Variants in CUX1 observed in about 807,000 individuals in gnomAD.
The protein encoded by CUX1 is protein CASP.
CUX1 carries 31 observed loss-of-function variants against 158.8 expected under a neutral mutation model. The observed-to-expected ratio is 0.20, with a 90% CI of 0.15 to 0.26. The LOEUF (loss-of-function observed/expected upper bound fraction) is 0.26, where lower values mean the gene tolerates loss of function less well. CUX1 is among the 10% of genes least tolerant of loss of function. The pLI, the probability that CUX1 is intolerant of heterozygous loss-of-function variation, is 1.00. For missense variants in CUX1, 1,589 were observed against 2,014.6 expected, an observed-to-expected ratio of 0.79 and a Z score of 4.04; for synonymous variants, 879 against 862.1, an observed-to-expected ratio of 1.02 and a Z score of -0.34.
At chr7:102,000,419 T>G (rs1188112657) in intron 2 of CUX1, among the ~76,000 whole-genome samples, 1 of 152,210 alleles carries the variant, frequency 6.6e-6, no homozygotes, top group African/African-American at 2.4e-5. Flanking sequence ...GACCCAGGCT[T>G]CTTTCTCATC....
chr7:102,044,992 A>G (rs1822566536), intron 3 of CUX1, among the ~76,000 whole-genome samples: 1 of 152,034 alleles, frequency 6.6e-6, no homozygotes. Context: ...GGCCTTCTGC[A>G]GTGGTGGAGG....
At chr7:101,925,795 T>C (rs531631019) in intron 2 of CUX1, among the ~76,000 whole-genome samples, 47 of 151,626 alleles carry the variant, frequency 3.1e-4, no homozygotes, top group African/African-American at 1.1e-3. Context: ...TAGCTGGGAG[T>C]GGTGGTGCGT....
chr7:102,075,488 G>GC (rs1249465475), intron 4 of CUX1, among the ~76,000 whole-genome samples: 1 of 152,204 alleles, frequency 6.6e-6, no homozygotes, highest in Non-Finnish European at 1.5e-5. Context: ...CGAGAGACTG[G>GC]TTCAGTGCGG....
At position 102,168,903 on chromosome 7, in the gene CUX1, CTTTTCTTTTA is replaced by C. The variant is rs1443857285; in HGVS notation, c.724-1533_724-1524del. On this transcript the variant is annotated intron_variant, in intron 9 of 23. Coordinates refer to ENST00000292535, the MANE Select transcript of CUX1 (RefSeq NM_181552.4). ...CCAGGCTTTTCTTTTCTTTTCTTTT[CTTTTCTTTTA>C]TTTTCTTTTCTTTTCTTTTATTTTC... Among the ~76,000 whole-genome samples the C allele has an allele frequency of 2.7e-4, 33 of 121,384 alleles. 1 individual carries two copies. The South Asian group carries it at 6.7e-3, about 25-fold the overall frequency. The allele number at this position is 121,384 out of a possible 152,430, so 79.6% of individuals were successfully genotyped here. A position where few individuals can be genotyped will look rare whatever the true frequency, so the allele number is the denominator to read the frequency against.
intron 23 of CUX1, among the ~76,000 whole-genome samples, chr7:102,241,762 C>T (rs1800239806): frequency 6.6e-6 from 1 of 152,256 alleles, no homozygotes; most frequent in African/African-American, 2.4e-5. Context: ...AATGGCAGCC[C>T]TGGCCCCGCA....
chr7:102,170,497 T>C lies in CUX1; in HGVS notation c.775T>C (p.Ser259Pro). 3 of 1,593,994 alleles carry C rather than the reference T, an allele frequency of 1.9e-6. No individual in the cohort carries two copies. Among genetic ancestry groups the C allele is most frequent in the Non-Finnish European group, 2.6e-6 (3 of 1,169,930 alleles). ...GGAGACCTTAAGGGAACAGCTCTCA[T>C]CGGCCAATCACTCCCTCCAGCTGGC... ...EAETLREQLS[S>P]ANHSLQLASQ... The change falls in exon 10 of 24, where the codon TCG becomes CCG. Residue 259 changes from serine (S) to proline (P), a missense_variant. Ser to Pro is a moderately conservative substitution (Grantham distance 74). Coordinates refer to ENST00000292535, the MANE Select transcript of CUX1 (RefSeq NM_181552.4).
chr7:102,212,697 A>T (rs1294468792), intron 20 of CUX1, among the ~76,000 whole-genome samples: 2 of 118,432 alleles, frequency 1.7e-5, no homozygotes, highest in East Asian at 2.5e-4. Context: ...CCAGTTTGTC[A>T]TGTGTCCTTC....
chr7:102,066,307 C>G (rs945801941), intron 3 of CUX1, among the ~76,000 whole-genome samples: 2 of 152,146 alleles, frequency 1.3e-5, no homozygotes, highest in African/African-American at 4.8e-5. Flanking sequence ...TTGGATCCAA[C>G]TGGACGAGGG....
At chr7:102,142,413 A>G (rs890340226) in intron 8 of CUX1, among the ~76,000 whole-genome samples, 1 of 152,168 alleles carries the variant, frequency 6.6e-6, no homozygotes, top group Non-Finnish European at 1.5e-5. Context: ...AGACTGTTAA[A>G]AACAATGGGT....
chr7:102,170,986 G>A (rs562681335), intron 10 of CUX1, among the ~76,000 whole-genome samples: 25 of 152,152 alleles, frequency 1.6e-4, no homozygotes, highest in Middle Eastern at 3.4e-3. Context: ...AGGGGTGGGC[G>A]GGCAGAGAGG....
At chr7:102,156,442 C>T (rs1789774788) in intron 8 of CUX1, among the ~76,000 whole-genome samples, 1 of 152,052 alleles carries the variant, frequency 6.6e-6, no homozygotes, top group African/African-American at 2.4e-5. Flanking sequence ...TATGATAACC[C>T]AGTCTCAAGG....
chr7:102,178,225 A>G (rs1207908975), intron 10 of CUX1, among the ~76,000 whole-genome samples: 2 of 152,162 alleles, frequency 1.3e-5, no homozygotes, highest in African/African-American at 2.4e-5. Flanking sequence ...ATTCACTGCT[A>G]TATGGTTGGT....
chr7:102,008,434 T>C (rs1817632323), intron 2 of CUX1, among the ~76,000 whole-genome samples: 1 of 151,860 alleles, frequency 6.6e-6, no homozygotes, highest in Non-Finnish European at 1.5e-5. Context: ...GGGATTTTCA[T>C]TCCTTGGGCC....
chr7:102,146,747 G>A (rs958726137), intron 8 of CUX1, among the ~76,000 whole-genome samples: 18 of 151,962 alleles, frequency 1.2e-4, no homozygotes, highest in South Asian at 6.2e-4. Flanking sequence ...ACAGGCGCAC[G>A]CCACCACACC....
intron 2 of CUX1, among the ~76,000 whole-genome samples, chr7:102,005,370 A>T (rs989237427): frequency 6.6e-6 from 1 of 152,136 alleles, no homozygotes; most frequent in Non-Finnish European, 1.5e-5. Flanking sequence ...GTCTTGCTCC[A>T]TCATCCAGGC....
Position 102,228,935 on chromosome 7 carries a change from C to T in CUX1, c.3433+1266C>T, listed in dbSNP as rs566856774. Reference sequence around the variant, plus strand: ...CGGTTCTCACTCTGCTCACTGAGTCCGTGATGCTGGCCAGGCTGCCTGCAT... The same window carrying T: ...CGGTTCTCACTCTGCTCACTGAGTCTGTGATGCTGGCCAGGCTGCCTGCAT... On this transcript the variant is annotated intron_variant, in intron 21 of 23. Coordinates refer to ENST00000292535, the MANE Select transcript of CUX1 (RefSeq NM_181552.4). Among the ~76,000 whole-genome samples, 10 of 152,290 alleles carry T rather than the reference C, an allele frequency of 6.6e-5. No individual in the cohort carries two copies. In the East Asian group the frequency reaches 1.7e-3, roughly 26 times the overall value.
At position 102,201,662 on chromosome 7, in the gene CUX1, C is replaced by G; in HGVS notation, c.2365C>G (p.Gln789Glu). Residue 789 changes from glutamine (Q) to glutamate (E), a missense_variant, in exon 18 of 24, where the codon CAG becomes GAG. Gln to Glu is a conservative substitution (Grantham distance 29). Transcript: ENST00000292535. This position sits in a 1 kb window ranked among gnomAD's most constrained non-coding sequence, Gnocchi z 5.0. Reference sequence around the variant, plus strand: ...CCCCCCGGCCCTCAAAAAGGAGGCCCAGGACGCCCCCGGGCTGGACCCCCA... The same window carrying G: ...CCCCCCGGCCCTCAAAAAGGAGGCCGAGGACGCCCCCGGGCTGGACCCCCA... ...PNPPALKKEA[Q>E]DAPGLDPQGA... 6.2e-7 allele frequency: 1 copy of G among 1,613,250 alleles called. No homozygotes were observed. Among genetic ancestry groups the G allele is most frequent in the Non-Finnish European group, 8.5e-7 (1 of 1,179,884 alleles).
chr7:102,090,983 C>A (rs781982345), intron 4 of CUX1, among the ~76,000 whole-genome samples: 13 of 152,174 alleles, frequency 8.5e-5, no homozygotes, highest in Non-Finnish European at 1.3e-4. Context: ...AGAGCTGAGA[C>A]TTGAACACAT....
chr7:102,112,796 C>T lies in CUX1; in HGVS notation c.607+1022C>T, dbSNP rs973590444. On this transcript the variant is annotated intron_variant, in intron 7 of 23. Transcript: ENST00000292535. ...ACATTGGCCAGTCCGGTCTGTATCT[C>T]CTGAGCTCAAGTGAGCCACCACACC... 3.9e-5 allele frequency among the ~76,000 whole-genome samples: 6 copies of T among 152,180 alleles called. No homozygotes were observed. The East Asian group carries it at 1.2e-3, about 29-fold the overall frequency.
Sources: gnomAD v4.1 joint callset for allele counts (sites outside exome capture counted in the v4.1 genomes callset) on GRCh38, gnomAD v4.1.1 for gene constraint, Gnocchi (gnomAD v3.1) non-coding constraint, MANE v1.5 for transcripts, NCBI Gene and HGNC (gene_info 2026-07-23, HGNC 2026-07-21) for gene names.